PRDM5: variants seen among roughly 807,000 people sequenced by gnomAD.
The protein encoded by PRDM5 is PR domain zinc finger protein 5.
PRDM5 carries 56 observed loss-of-function variants against 81.2 expected under a neutral mutation model. The observed-to-expected ratio is 0.69, with a 90% CI of 0.56 to 0.86. The LOEUF is 0.86. Among genes scored for constraint, PRDM5 ranks in the 40% least tolerant of loss-of-function variants. PRDM5 has a pLI of 0.00. For synonymous variants in PRDM5, 267 were observed against 256.4 expected (o/e 1.04, Z -0.39); for missense variants, 697 against 770.1 (o/e 0.91, Z 1.12).
At chr4:120,762,844 C>G (rs916024980) in intron 13 of PRDM5, 3 of 152,130 alleles carry the variant, frequency 2.0e-5, no homozygotes, top group African/African-American at 7.2e-5. Context: ...TTAACCTAAA[C>G]AAGTTAAACC....
chr4:120,708,698 C>T (rs1420650108), intron 15 of PRDM5, among the ~76,000 whole-genome samples: 1 of 152,178 alleles, frequency 6.6e-6, no homozygotes. Context: ...AGAGAACACA[C>T]ACACTGGAGA....
rs908481626 is a variant in PRDM5 at position 120,754,700 on chromosome 4, A to G, written c.1538-62T>C. On this transcript the variant is annotated intron_variant, in intron 13 of 15. Transcript: ENST00000264808. ...GAAGTAGCAGAACCAGTCCTGTGCT[A>G]TCACTTCTCACACACTCAGATCCTG... The G allele has an allele frequency of 7.8e-6, 9 of 1,158,448 alleles. No individual in the cohort carries two copies. The African/African-American group carries it at 1.1e-4, about 14-fold the overall frequency. The allele number at this position is 1,158,448 out of a possible 1,614,324, so 71.8% of individuals were successfully genotyped here.
intron 2 of PRDM5, among the ~76,000 whole-genome samples, chr4:120,891,150 C>A (rs577419821): frequency 6.6e-5 from 10 of 152,258 alleles, no homozygotes; most frequent in Admixed American, 2.6e-4. Flanking sequence ...GATTGTGAAT[C>A]CATCTGGTCT....
chr4:120,793,595 T>C (rs1448542379), intron 10 of PRDM5, among the ~76,000 whole-genome samples: 1 of 152,234 alleles, frequency 6.6e-6, no homozygotes, highest in Non-Finnish European at 1.5e-5. Context: ...TAATGTATTG[T>C]ACTTGAAGAT....
chr4:120,873,729 TC>T (rs1762073032), intron 2 of PRDM5, among the ~76,000 whole-genome samples: 2 of 152,266 alleles, frequency 1.3e-5, no homozygotes. Flanking sequence ...CTGAAGAACT[TC>T]ATAATTTCCA....
Position 120,712,042 on chromosome 4 carries a change from T to C in PRDM5, c.1624-1629A>G, listed in dbSNP as rs575234475. On this transcript the variant is annotated intron_variant, in intron 14 of 15. Transcript: ENST00000264808. ...GGCTCATGCCTGTAATCCTAGCACT[T>C]TGGGAGGCCAAGGCGGACGAATTAT... 8.5e-5 allele frequency among the ~76,000 whole-genome samples: 13 copies of C among 152,232 alleles called. No homozygotes were observed. The South Asian group carries it at 2.7e-3, about 32-fold the overall frequency.
At chr4:120,868,880 C>T (rs1761486290) in intron 2 of PRDM5, among the ~76,000 whole-genome samples, 1 of 152,088 alleles carries the variant, frequency 6.6e-6, no homozygotes, top group African/African-American at 2.4e-5. Context: ...CTCTTCCATA[C>T]TTATGAATAT....
At chr4:120,686,716 T>A (rs17345304) in intron 1 of PRDM5, among the ~76,000 whole-genome samples, 1 of 151,970 alleles carries the variant, frequency 6.6e-6, no homozygotes, top group African/African-American at 2.4e-5. Flanking sequence ...TCAAAGTTGG[T>A]AATAATTGAC....
intron 8 of PRDM5, among the ~76,000 whole-genome samples, chr4:120,801,024 G>A (rs969931559): frequency 6.6e-6 from 1 of 152,124 alleles, no homozygotes; most frequent in Non-Finnish European, 1.5e-5. Context: ...TAAAAGAAAT[G>A]TATTACATAT....
At chr4:120,817,332 T>C (rs866055367) in intron 5 of PRDM5, among the ~76,000 whole-genome samples, 8 of 152,182 alleles carry the variant, frequency 5.3e-5, no homozygotes, top group Non-Finnish European at 1.0e-4. Context: ...TATAATAATA[T>C]TCATACAGTC....
At chr4:120,753,869 CTAAT>C (rs979102163) in intron 14 of PRDM5, among the ~76,000 whole-genome samples, 2 of 152,136 alleles carry the variant, frequency 1.3e-5, no homozygotes, top group Admixed American at 6.5e-5. Context: ...TTTAAAGTGT[CTAAT>C]TGTGCTTAAA....
intron 2 of PRDM5, among the ~76,000 whole-genome samples, chr4:120,871,009 A>G (rs1298245922): frequency 6.6e-6 from 1 of 152,062 alleles, no homozygotes; most frequent in Non-Finnish European, 1.5e-5. Context: ...CCAGTAGAAG[A>G]CTATACTTTA....
chr4:120,887,858 T>C (rs1179574624), intron 2 of PRDM5, among the ~76,000 whole-genome samples: 1 of 50,934 alleles, frequency 2.0e-5, no homozygotes, highest in Non-Finnish European at 3.3e-5. Context: ...AGTGGCGCAA[T>C]CTCGGCTCAC....
intron 3 of PRDM5, among the ~76,000 whole-genome samples, chr4:120,846,873 T>C (rs561875690): frequency 1.3e-5 from 2 of 152,294 alleles, no homozygotes; most frequent in East Asian, 3.9e-4. Context: ...ACGTAGCAGA[T>C]GCTCCATAGC....
chr4:120,866,310 CAT>C (rs1221069219), intron 2 of PRDM5, among the ~76,000 whole-genome samples: 4 of 152,222 alleles, frequency 2.6e-5, no homozygotes, highest in Non-Finnish European at 4.4e-5. Flanking sequence ...GAGATTCTCA[CAT>C]GAGTCAGATT....
rs1368854417 is a variant in PRDM5 at position 120,799,596 on chromosome 4, T to C, written c.1030+65A>G. The stretch of plus-strand genomic sequence containing the variant: ...CCCTGATTACCACTCTTAGAGTTTA[T>C]AAAAAGTGACAATGTAATTTTTTTG... On this transcript the variant is annotated intron_variant, in intron 9 of 15. Coordinates refer to ENST00000264808, the MANE Select transcript of PRDM5 (RefSeq NM_018699.4). The C allele has an allele frequency of 1.1e-5, 18 of 1,576,646 alleles. No individual in the cohort carries two copies. The Admixed American group carries it at 2.3e-4, about 20-fold the overall frequency.
At chr4:120,739,689 T>C (rs190862204) in intron 14 of PRDM5, among the ~76,000 whole-genome samples, 4 of 151,862 alleles carry the variant, frequency 2.6e-5, no homozygotes, top group Non-Finnish European at 4.4e-5. Context: ...ATTTCACCTT[T>C]TACTCTCAAA....
At chr4:120,780,037 C>T (rs1748815453) in intron 12 of PRDM5, among the ~76,000 whole-genome samples, 1 of 151,820 alleles carries the variant, frequency 6.6e-6, no homozygotes, top group African/African-American at 2.4e-5. Flanking sequence ...CAATTCAATC[C>T]TTTTGAAACA....
intron 13 of PRDM5, among the ~76,000 whole-genome samples, chr4:120,769,425 A>C (rs1746906207): frequency 6.6e-6 from 1 of 152,150 alleles, no homozygotes; most frequent in South Asian, 2.1e-4. Context: ...AGAAAGTAAC[A>C]CGTAATTGGA....
Sources: gnomAD v4.1 joint callset for allele counts (sites outside exome capture counted in the v4.1 genomes callset) on GRCh38, gnomAD v4.1.1 for gene constraint, MANE v1.5 for transcripts, NCBI Gene and HGNC (gene_info 2026-07-23, HGNC 2026-07-21) for gene names.